The following BCR variants were observed in gnomAD, a reference collection of about 807,000 sequenced individuals.
The protein encoded by BCR is BCR activator of RhoGEF and GTPase.
A neutral mutation model predicts 138.6 loss-of-function variants in BCR; 58 were observed. That is an observed-to-expected ratio of 0.42 (90% CI 0.34 to 0.52). The LOEUF is 0.52. Ranked by LOEUF, BCR falls within the 20% of genes least tolerant of loss-of-function variation. The probability of loss-of-function intolerance (pLI) is 0.06; values close to 1 mark genes in which losing one functional copy is unlikely to be tolerated. For missense variants in BCR, 1,599 were observed against 1,727.2 expected (o/e 0.93, Z 1.32); for synonymous variants, 786 against 730.1 (o/e 1.08, Z -1.23).
At chr22:23,300,296 A>T (rs2073890060) in intron 16 of BCR, among the ~76,000 whole-genome samples, 1 of 152,332 alleles carries the variant, frequency 6.6e-6, no homozygotes, top group South Asian at 2.1e-4. Flanking sequence ...ATGTAAGTGG[A>T]ATCATACAGC....
At chr22:23,242,511 A>C (rs956810334) in intron 1 of BCR, among the ~76,000 whole-genome samples, 1 of 152,008 alleles carries the variant, frequency 6.6e-6, no homozygotes, top group Non-Finnish European at 1.5e-5. Flanking sequence ...CACGTCCTTC[A>C]CTCTTTCCCA....
rs1568976201 is a variant in BCR, at chr22:23,290,361, T to C, written c.2730T>C (p.Tyr910=). The C allele has an allele frequency of 1.2e-6, 2 of 1,614,012 alleles. No homozygotes were observed. The highest frequency in any genetic ancestry group is 1.3e-5 in the African/African-American group (1 of 74,926). The change falls in exon 14 of 23, where the codon TAT becomes TAC. Residue 910 remains tyrosine (Y), a synonymous_variant. Coordinates refer to ENST00000305877, the MANE Select transcript of BCR (RefSeq NM_004327.4). ...NKEDDESPGL[Y]GFLNVIVHSA... The stretch of plus-strand genomic sequence containing the variant: ...CAGATGATGAGTCTCCGGGGCTCTA[T>C]GGGTTTCTGAATGTCATCGTCCACT...
At chr22:23,236,081 G>T (rs2073019697) in intron 1 of BCR, among the ~76,000 whole-genome samples, 1 of 152,164 alleles carries the variant, frequency 6.6e-6, no homozygotes, top group Non-Finnish European at 1.5e-5. Context: ...ACTCTCTTGG[G>T]GCTGGTGTGA....
At chr22:23,211,110 CTG>C (rs377381104) in intron 1 of BCR, among the ~76,000 whole-genome samples, 160 of 152,326 alleles carry the variant, frequency 1.1e-3, no homozygotes, top group African/African-American at 3.7e-3. Context: ...CTTTCTGCCT[CTG>C]TGGATTTGTC....
chr22:23,293,594 C>G (rs1047411691), intron 15 of BCR, among the ~76,000 whole-genome samples: 1 of 152,126 alleles, frequency 6.6e-6, no homozygotes, highest in Non-Finnish European at 1.5e-5. Context: ...ATCGAAGAAG[C>G]CTTTGCAGAG....
chr22:23,292,803 G>C (rs1215894350), intron 15 of BCR, among the ~76,000 whole-genome samples, 165 bp downstream of exon 15: 2 of 152,200 alleles, frequency 1.3e-5, no homozygotes, highest in Non-Finnish European at 2.9e-5. Context: ...GTGTCCAAGA[G>C]ATTTTATCTC....
In BCR at chr22:23,280,901, G is replaced by T. The variant is rs76368157; in HGVS notation, c.2116-3076G>T. ...CACACACAGGGACCCATGCCCACAC[G>T]GGGTTACTTGCACCAGGACACACAC... On this transcript the variant is annotated intron_variant, in intron 8 of 22. Coordinates refer to ENST00000305877, the MANE Select transcript of BCR (RefSeq NM_004327.4). 2.2e-3 allele frequency among the ~76,000 whole-genome samples: 340 copies of T among 152,330 alleles called. 4 individuals are homozygous for T. The highest frequency in any genetic ancestry group is 7.8e-3 in the African/African-American group (324 of 41,560).
chr22:23,182,381 C>T, intron 1 of BCR, 142 bp downstream of exon 1: 1 of 1,012,934 alleles, frequency 9.9e-7, no homozygotes, highest in Non-Finnish European at 1.4e-6. Context: ...CACGCGGATC[C>T]TGCACCCGAA....
chr22:23,273,630 G>T lies in BCR; in HGVS notation c.1975-4G>T, dbSNP rs940030948. On this transcript the variant is annotated splice_polypyrimidine_tract_variant and splice_region_variant and intron_variant, in intron 7 of 22. Coordinates refer to ENST00000305877, the MANE Select transcript of BCR (RefSeq NM_004327.4). ...TCTAACTCAAGTCTTTCTTCCTGGG[G>T]CAGGACTTGCTGAAGCACACTCCTG... 1.2e-6 allele frequency: 2 copies of T among 1,613,524 alleles called. No homozygotes were observed. The highest frequency in any genetic ancestry group is 3.3e-5 in the Admixed American group (2 of 60,024).
At position 23,288,098 on chromosome 22, in the gene BCR, G is replaced by C; in HGVS notation, c.2528G>C (p.Ser843Thr). 7 of 1,613,980 alleles carry C rather than the reference G, an allele frequency of 4.3e-6. No individual in the cohort carries two copies. Among genetic ancestry groups the C allele is most frequent in the Non-Finnish European group, 5.9e-6 (7 of 1,179,926 alleles). ...GTGTGTTCTTCTTGCCCACCCTAGA[G>C]TTACACGTTCCTGATCTCCTCTGAC... The part of the protein sequence containing the change: ...AFRVHSRNGK[S>T]YTFLISSDYE... The change falls in exon 12 of 23, where the codon AGT (serine) becomes ACT (threonine). Residue 843 changes from serine to threonine, a missense_variant and splice_region_variant. Ser to Thr is a moderately conservative substitution (Grantham distance 58). Transcript: ENST00000305877.
In BCR at chr22:23,181,337, C is replaced by T. The variant is rs1340345601; in HGVS notation, c.377C>T (p.Ala126Val). 4.1e-6 allele frequency: 6 copies of T among 1,473,890 alleles called. No homozygotes were observed. The highest frequency in any genetic ancestry group is 5.4e-6 in the Non-Finnish European group (6 of 1,119,944). 91.3% of individuals were successfully genotyped at this position (1,473,890 alleles called of 1,614,324 possible). A position where few individuals can be genotyped will look rare whatever the true frequency, so the allele number is the denominator to read the frequency against. The change falls in exon 1 of 23, where the codon GCC (alanine) becomes GTC (valine). Residue 126 changes from alanine (A) to valine (V), a missense_variant. Around this residue, in one of 4 missense-constraint regions of BCR, gnomAD observed 806 missense variants for 635.0 expected, o/e 1.27. Transcript: ENST00000305877. ...GACGGCGAGGGTTCTCCGGGTAAGG[C>T]CAGGCCCGGGACCGCCCGCAGGCCC... Reference protein sequence around the residue: ...RPDGEGSPGKARPGTARRPGA... With the variant: ...RPDGEGSPGKVRPGTARRPGA...
intron 1 of BCR, among the ~76,000 whole-genome samples, chr22:23,241,856 T>A (rs1384259870): frequency 6.6e-6 from 1 of 152,100 alleles, no homozygotes; most frequent in African/African-American, 2.4e-5. Flanking sequence ...CCCCTCTTGT[T>A]CCAGACCCAG....
In BCR at chr22:23,180,871, GGCGCCCGGGGCCGGGCTGGCGAGGCGCC is replaced by G; in HGVS notation, c.-84_-57del. 1.4e-6 allele frequency: 1 copy of G among 733,904 alleles called. No individual in the cohort carries two copies. Among genetic ancestry groups the G allele is most frequent in the South Asian group, 6.7e-5 (1 of 14,932 alleles). The allele number at this position is 733,904 out of a possible 1,614,324, so 45.5% of individuals were successfully genotyped here. On this transcript the variant is annotated 5_prime_UTR_variant, in exon 1 of 23. It introduces an in-frame stop codon into an upstream open reading frame of the 5' UTR. Coordinates refer to ENST00000305877, the MANE Select transcript of BCR (RefSeq NM_004327.4). ...GCCGCGCGGGCCATGGGGGCCGCCC[GGCGCCCGGGGCCGGGCTGGCGAGGCGCC>G]GCGCCGCCGCTGAGACGGGCCCCGC...
At chr22:23,233,716 G>A (rs2072986504) in intron 1 of BCR, among the ~76,000 whole-genome samples, 1 of 151,562 alleles carries the variant, frequency 6.6e-6, no homozygotes, top group African/African-American at 2.4e-5. Context: ...CTTGAACCCA[G>A]GAGTCGGGGG....
At chr22:23,288,629 G>A (rs1012773439) in intron 12 of BCR, among the ~76,000 whole-genome samples, 1 of 152,062 alleles carries the variant, frequency 6.6e-6, no homozygotes, top group Non-Finnish European at 1.5e-5. Flanking sequence ...GCCCCAGCAG[G>A]TGCTGATGCT....
chr22:23,229,704 G>A (rs573422580), intron 1 of BCR, among the ~76,000 whole-genome samples: 2 of 152,304 alleles, frequency 1.3e-5, no homozygotes, highest in East Asian at 3.9e-4. Context: ...AGATTTAAAG[G>A]ATCCCTTCTC....
At chr22:23,280,556 C>T (rs1419762360) in intron 8 of BCR, among the ~76,000 whole-genome samples, 1 of 152,190 alleles carries the variant, frequency 6.6e-6, no homozygotes, top group Non-Finnish European at 1.5e-5. Context: ...TCATTTAATC[C>T]TCAGAACATA....
At chr22:23,306,417 C>T (rs2073954839) in intron 16 of BCR, among the ~76,000 whole-genome samples, 1 of 152,200 alleles carries the variant, frequency 6.6e-6, no homozygotes, top group African/African-American at 2.4e-5. Flanking sequence ...TTGGGGTTAC[C>T]TGCTGGGAGT....
intron 1 of BCR, among the ~76,000 whole-genome samples, chr22:23,229,712 C>T (rs545417484): frequency 1.3e-5 from 2 of 152,354 alleles, no homozygotes; most frequent in African/African-American, 4.8e-5. Flanking sequence ...AGGATCCCTT[C>T]TCCAGCTCCC....
Sources: allele counts gnomAD v4.1 joint callset (sites outside exome capture counted in the v4.1 genomes callset), GRCh38; gene constraint gnomAD v4.1.1; regional missense constraint gnomAD v4.1.1; transcripts MANE v1.5; gene names NCBI Gene and HGNC (gene_info 2026-07-23, HGNC 2026-07-21).